CEP78: variants seen among roughly 807,000 people sequenced by gnomAD.
CEP78 encodes centrosomal protein of 78 kDa.
Under a neutral mutation model 81.2 loss-of-function variants are expected in CEP78, and 76 were observed. That is an observed-to-expected ratio of 0.94 (90% confidence interval 0.78 to 1.13). The LOEUF is 1.13. CEP78 is among the 50% of genes most tolerant of loss of function. The pLI, the probability that CEP78 is intolerant of heterozygous loss-of-function variation, is 0.00. For missense variants in CEP78, 918 were observed against 846.8 expected (o/e 1.08, Z -1.04); for synonymous variants, 293 against 301.4 (o/e 0.97, Z 0.29).
chr9:78,254,801 T>C, intron 10 of CEP78, 35 bp from the exon 11 acceptor site: 2 of 1,562,706 alleles, frequency 1.3e-6, no homozygotes, highest in Non-Finnish European at 1.7e-6. Context: ...GTATTCGGTT[T>C]ATATTATTAT....
chr9:78,236,149 G>T lies in CEP78; in HGVS notation c.-202G>T. On this transcript the variant is annotated 5_prime_UTR_variant, in exon 1 of 17. Transcript: ENST00000643273. ...TGGGCCGCAGGGCGGGAGGCAGCGCGGGAGTGGGGCGTTGAGGGGCCGGCC... is the reference window on the plus strand; with the variant it reads ...TGGGCCGCAGGGCGGGAGGCAGCGCTGGAGTGGGGCGTTGAGGGGCCGGCC... 1.8e-6 allele frequency: 1 copy of T among 559,332 alleles called. No homozygotes were observed. The highest frequency in any genetic ancestry group is 2.2e-5 in the South Asian group (1 of 46,072). The allele number at this position is 559,332 out of a possible 1,614,324, so 34.6% of individuals were successfully genotyped here.
At chr9:78,237,598 G>A (rs1826015980) in intron 1 of CEP78, among the ~76,000 whole-genome samples, 1 of 152,152 alleles carries the variant, frequency 6.6e-6, no homozygotes, top group African/African-American at 2.4e-5. Context: ...AGCAGAGAGA[G>A]TTGAGGCTGG....
intron 5 of CEP78, among the ~76,000 whole-genome samples, chr9:78,245,084 TTG>T (rs1485241139): frequency 6.6e-6 from 1 of 152,190 alleles, no homozygotes; most frequent in African/African-American, 2.4e-5. Flanking sequence ...CAGCAAGAGT[TTG>T]TAAAGGTTTT....
chr9:78,265,837 A>G (rs964247726), intron 14 of CEP78, 22 bp from the exon 15 acceptor site: 7 of 1,181,092 alleles, frequency 5.9e-6, no homozygotes, highest in Admixed American at 4.0e-5. Context: ...ATAAATGTCT[A>G]TTCTATTCAT....
chr9:78,249,753 C>T (rs888462395), intron 8 of CEP78: 1 of 151,590 alleles, frequency 6.6e-6, no homozygotes, highest in Non-Finnish European at 1.5e-5. Context: ...TAAGTTAAGC[C>T]AAATCTAATG....
At chr9:78,238,718 A>T (rs12684729) in intron 1 of CEP78, among the ~76,000 whole-genome samples, 48,392 of 152,040 alleles carry the variant, frequency 0.32, 8,435 homozygotes, top group Middle Eastern at 0.43. Flanking sequence ...CAGGTGCAGG[A>T]ACTGTTCTGT....
At chr9:78,257,754 C>T (rs1827104998) in intron 11 of CEP78, among the ~76,000 whole-genome samples, 1 of 152,156 alleles carries the variant, frequency 6.6e-6, no homozygotes, top group African/African-American at 2.4e-5. Context: ...AGCTTGTCCG[C>T]CCTTTTCAGT....
chr9:78,266,756 T>G, intron 16 of CEP78, 53 bp downstream of exon 16: 5 of 1,599,764 alleles, frequency 3.1e-6, no homozygotes, highest in Non-Finnish European at 4.3e-6. Flanking sequence ...AGGACCTGCA[T>G]TCCTGATCTG....
In CEP78 at chr9:78,243,655, TA is replaced by T; in HGVS notation, c.778+21del. 6.2e-7 allele frequency: 1 copy of T among 1,604,716 alleles called. No homozygotes were observed. Among genetic ancestry groups the T allele is most frequent in the South Asian group, 1.1e-5 (1 of 89,800 alleles). ...CTGAGAGGTAAGTTAAATGAACTTG[TA>T]AGGTGGAAAATATTGAATTTTTTGA... On this transcript the variant is annotated intron_variant, in intron 5 of 16. Transcript: ENST00000643273.
rs576608139 is a variant in CEP78, at chr9:78,261,437, T to C, written c.1381-1470T>C. On this transcript the variant is annotated intron_variant, in intron 11 of 16. Transcript: ENST00000643273. Reference sequence around the variant, plus strand: ...AGCAGCTGTCAGGGAGGAAAATTACTACAACACTTTATCATTAGTCGTTTT... The same window carrying C: ...AGCAGCTGTCAGGGAGGAAAATTACCACAACACTTTATCATTAGTCGTTTT... 2.0e-5 allele frequency among the ~76,000 whole-genome samples: 3 copies of C among 152,308 alleles called. No individual in the cohort carries two copies. In the East Asian group the frequency reaches 5.8e-4, roughly 29 times the overall value.
chr9:78,240,751 G>C (rs757034426), intron 3 of CEP78, among the ~76,000 whole-genome samples: 8 of 152,136 alleles, frequency 5.3e-5, no homozygotes, highest in Non-Finnish European at 8.8e-5. Flanking sequence ...ATGAGGTCAG[G>C]AGATTGAGAC....
chr9:78,258,492 A>G (rs1827137812), intron 11 of CEP78, among the ~76,000 whole-genome samples: 1 of 152,212 alleles, frequency 6.6e-6, no homozygotes, highest in African/African-American at 2.4e-5. Context: ...AGTAATGTAT[A>G]TCACTAGAAG....
chr9:78,257,466 G>T (rs1174499133), intron 11 of CEP78, among the ~76,000 whole-genome samples: 2 of 152,162 alleles, frequency 1.3e-5, no homozygotes, highest in African/African-American at 4.8e-5. Context: ...AAGATAATAG[G>T]ATATCAGGGA....
At chr9:78,268,074 A>G (rs1174453070) in intron 16 of CEP78, among the ~76,000 whole-genome samples, 1 of 152,106 alleles carries the variant, frequency 6.6e-6, no homozygotes, top group Non-Finnish European at 1.5e-5. Context: ...ACCGTATATT[A>G]CATTCTATGG....
chr9:78,246,575 G>A, intron 5 of CEP78, 94 bp from the exon 6 acceptor site: 3 of 694,382 alleles, frequency 4.3e-6, no homozygotes, highest in Non-Finnish European at 7.1e-6. Flanking sequence ...ACTCCAGCCT[G>A]GGTGACAGAG....
chr9:78,236,380 C>T lies in CEP78; in HGVS notation c.30C>T (p.Asp10=). 2 of 1,588,572 alleles carry T rather than the reference C, an allele frequency of 1.3e-6. No homozygotes were observed. Among genetic ancestry groups the T allele is most frequent in the Non-Finnish European group, 1.7e-6 (2 of 1,169,702 alleles). MIDSVKLRR[D]SAADFFSHYE... The stretch of plus-strand genomic sequence containing the variant: ...TCGACTCCGTGAAGCTGCGCCGCGA[C>T]AGCGCGGCGGACTTCTTCTCCCACT... Residue 10 remains aspartate (D), a synonymous_variant, in exon 1 of 17, where the codon GAC becomes GAT. Transcript: ENST00000643273.
chr9:78,262,665 G>A (rs1250996318), intron 11 of CEP78, among the ~76,000 whole-genome samples: 1 of 151,972 alleles, frequency 6.6e-6, no homozygotes, highest in African/African-American at 2.4e-5. Context: ...GCCTTCTATG[G>A]TGAGCTGTCA....
rs1827677059 is a variant in CEP78 at position 78,270,931 on chromosome 9, TAAGA to T, written c.*82_*85del. ...TTTGAACAGTGAAATTTCTGGAAGA[TAAGA>T]AGCAGATGATTTAAGTACCAGTTAA... is the stretch of plus-strand genomic sequence containing the variant. On this transcript the variant is annotated 3_prime_UTR_variant, in exon 17 of 17. Coordinates refer to ENST00000643273, the MANE Select transcript of CEP78 (RefSeq NM_001330691.3). 1.6e-6 allele frequency: 1 copy of T among 639,226 alleles called. No individual in the cohort carries two copies. The highest frequency in any genetic ancestry group is 1.9e-5 in the African/African-American group (1 of 53,664). 39.6% of individuals were successfully genotyped at this position (639,226 alleles called of 1,614,324 possible).
chr9:78,237,299 TG>T (rs961910093), intron 1 of CEP78, among the ~76,000 whole-genome samples: 1 of 151,922 alleles, frequency 6.6e-6, no homozygotes, highest in Non-Finnish European at 1.5e-5. Flanking sequence ...TTTTTTAAGG[TG>T]TATATAAGAA....
Sources: gnomAD v4.1 joint callset for allele counts (sites outside exome capture counted in the v4.1 genomes callset) on GRCh38, gnomAD v4.1.1 for gene constraint, MANE v1.5 for transcripts, NCBI Gene and HGNC (gene_info 2026-07-23, HGNC 2026-07-21) for gene names.